The following ROCK1 variants were observed in gnomAD, a reference collection of about 807,000 sequenced individuals.
The protein encoded by ROCK1 is rho-associated protein kinase 1.
Under a neutral mutation model 196.8 loss-of-function variants are expected in ROCK1, and 36 were observed. That is an observed-to-expected ratio of 0.18 (90% CI 0.14 to 0.24). ROCK1 has a LOEUF of 0.24. Ranked by LOEUF, ROCK1 falls within the 10% of genes least tolerant of loss-of-function variation. The probability of loss-of-function intolerance (pLI) is 1.00; values close to 1 mark genes in which losing one functional copy is unlikely to be tolerated. For missense variants in ROCK1, 920 were observed against 1,562.0 expected (o/e 0.59, Z 6.93); for synonymous variants, 443 against 515.9 (o/e 0.86, Z 1.91).
intron 17 of ROCK1, among the ~76,000 whole-genome samples, chr18:20,992,347 T>C (rs147906887): frequency 2.6e-5 from 4 of 152,220 alleles, no homozygotes; most frequent in South Asian, 4.1e-4. Flanking sequence ...TAGCTAGGTA[T>C]ATAACAGAGA....
chr18:21,082,980 C>A (rs2036495094), intron 1 of ROCK1, among the ~76,000 whole-genome samples: 1 of 152,060 alleles, frequency 6.6e-6, no homozygotes, highest in African/African-American at 2.4e-5. Flanking sequence ...CCGTCAGAGC[C>A]CATAACCAAA....
At position 20,999,963 on chromosome 18, in the gene ROCK1, A is replaced by C. The variant is rs150020156; in HGVS notation, c.1885+6388T>G. ...TATTGTTAAGATGGCAATACTACAC[A>C]AAGTAATCTACAGATTCAAAGAAAT... On this transcript the variant is annotated intron_variant, in intron 16 of 32. Transcript: ENST00000399799. 3.4e-3 allele frequency among the ~76,000 whole-genome samples: 520 copies of C among 152,338 alleles called. 2 individuals carry two copies. Among genetic ancestry groups the C allele is most frequent in the African/African-American group, 0.012 (502 of 41,580 alleles).
intron 27 of ROCK1, among the ~76,000 whole-genome samples, chr18:20,961,817 CCTT>C (rs1447808342): frequency 7.1e-6 from 1 of 139,968 alleles, no homozygotes; most frequent in Non-Finnish European, 1.5e-5. Context: ...TTTTCTTTTT[CCTT>C]TTTTTTTTTT....
chr18:21,042,443 A>G (rs2036115277), intron 7 of ROCK1, 122 bp downstream of exon 7: 1 of 1,185,824 alleles, frequency 8.4e-7, no homozygotes, highest in South Asian at 1.7e-5. Flanking sequence ...GGTTTGGATC[A>G]TGTTTATTAC....
At chr18:21,056,951 T>C (rs1475515214) in intron 2 of ROCK1, among the ~76,000 whole-genome samples, 4 of 152,230 alleles carry the variant, frequency 2.6e-5, no homozygotes, top group Non-Finnish European at 5.9e-5. Context: ...AACTCTTTTT[T>C]CAAATGTCAC....
chr18:21,029,007 A>ATCAGTAGTTGGTATGG, intron 9 of ROCK1, 72 bp from the exon 10 acceptor site: 2 of 1,417,944 alleles, frequency 1.4e-6, no homozygotes, highest in Non-Finnish European at 1.9e-6. Context: ...ATTCCATACC[A>ATCAGTAGTTGGTATGG]ACTACTGATG....
At chr18:20,967,973 G>A (rs2035389892) in intron 25 of ROCK1, 33 bp from the exon 26 acceptor site, 2 of 1,381,800 alleles carry the variant, frequency 1.4e-6, no homozygotes, top group Non-Finnish European at 1.9e-6. Context: ...GATCAATAGT[G>A]TAGTCATCCA....
At chr18:21,006,208 C>A in intron 16 of ROCK1, 143 bp downstream of exon 16, 2 of 663,992 alleles carry the variant, frequency 3.0e-6, no homozygotes, top group Non-Finnish European at 5.0e-6. Flanking sequence ...AGGACAAACA[C>A]TGTATGATTC....
At chr18:20,982,493 C>A (rs1240679668) in intron 21 of ROCK1, among the ~76,000 whole-genome samples, 1 of 152,134 alleles carries the variant, frequency 6.6e-6, no homozygotes, top group Non-Finnish European at 1.5e-5. Context: ...CTCAAGTGAT[C>A]CACTCGCCTC....
intron 1 of ROCK1, among the ~76,000 whole-genome samples, chr18:21,107,960 C>G (rs1330891862): frequency 5.3e-5 from 8 of 151,940 alleles, no homozygotes; most frequent in East Asian, 1.9e-4. Context: ...GGGGCTGAGG[C>G]AGGAGAATCA....
In ROCK1 at chr18:20,949,396, C is replaced by T. The variant is rs2663707; in HGVS notation, c.*1988G>A. 30,047 of 145,386 alleles carry T rather than the reference C, an allele frequency of 0.21. No homozygotes were observed. Among genetic ancestry groups the T allele is most frequent in the East Asian group, 0.36 (1,781 of 4,884 alleles). 9.0% of individuals were successfully genotyped at this position (145,386 alleles called of 1,614,324 possible). On this transcript the variant is annotated 3_prime_UTR_variant, in exon 33 of 33. Coordinates refer to ENST00000399799, the MANE Select transcript of ROCK1 (RefSeq NM_005406.3). ...CACAGCAAAAGCAGCATAAGTTTCA[C>T]GTTCCATCAGTTCCCTTTGCCCTCC...
intron 13 of ROCK1, among the ~76,000 whole-genome samples, chr18:21,009,259 C>T (rs1424658479): frequency 2.7e-5 from 4 of 149,960 alleles, no homozygotes; most frequent in East Asian, 1.9e-4. Context: ...GTGATCCGCC[C>T]GCCTCAGCCT....
intron 4 of ROCK1, among the ~76,000 whole-genome samples, chr18:21,048,443 T>C (rs1485258063): frequency 6.6e-6 from 1 of 152,164 alleles, no homozygotes; most frequent in Non-Finnish European, 1.5e-5. Flanking sequence ...AAGTATCTAT[T>C]TAAATTTTAA....
At chr18:20,992,273 C>T (rs539411278) in intron 17 of ROCK1, among the ~76,000 whole-genome samples, 1 of 152,266 alleles carries the variant, frequency 6.6e-6, no homozygotes, top group African/African-American at 2.4e-5. Context: ...TTCTATTGAA[C>T]CTCCAACATT....
intron 21 of ROCK1, 148 bp from the exon 22 acceptor site, chr18:20,980,152 C>T (rs903174716): frequency 2.0e-6 from 2 of 986,930 alleles, no homozygotes; most frequent in African/African-American, 1.7e-5. Flanking sequence ...TATGTCAACA[C>T]CTAGTCTTAC....
At chr18:21,067,992 C>T (rs1469985009) in intron 2 of ROCK1, among the ~76,000 whole-genome samples, 3 of 152,140 alleles carry the variant, frequency 2.0e-5, no homozygotes, top group African/African-American at 7.2e-5. Context: ...CTTTTACATG[C>T]TTTGCAACTA....
chr18:21,047,559 C>T (rs1295441401), intron 4 of ROCK1, among the ~76,000 whole-genome samples: 2 of 152,142 alleles, frequency 1.3e-5, no homozygotes, highest in South Asian at 4.2e-4. Context: ...TTTGGGAGGC[C>T]GAGGCAGGCG....
At chr18:20,995,434 T>C (rs2035662546) in intron 16 of ROCK1, among the ~76,000 whole-genome samples, 1 of 152,082 alleles carries the variant, frequency 6.6e-6, no homozygotes, top group African/African-American at 2.4e-5. Flanking sequence ...ACAATCAGCT[T>C]AGTGATATAT....
chr18:21,043,573 A>AATGTATATGTAT (rs376038082), intron 6 of ROCK1, among the ~76,000 whole-genome samples: 2 of 144,640 alleles, frequency 1.4e-5, no homozygotes, highest in African/African-American at 5.2e-5. Flanking sequence ...ACATATACAT[A>AATGTATATGTAT]ATGTATATGT....
Sources: allele counts gnomAD v4.1 joint callset (sites outside exome capture counted in the v4.1 genomes callset), GRCh38; gene constraint gnomAD v4.1.1; transcripts MANE v1.5; gene names NCBI Gene and HGNC (gene_info 2026-07-23, HGNC 2026-07-21).